The following MPRIP variants were observed in gnomAD, a reference collection of about 807,000 sequenced individuals.
MPRIP encodes myosin phosphatase Rho interacting protein.
In MPRIP, 59 loss-of-function variants were observed where a neutral mutation model predicts 234.9. The ratio of observed to expected loss-of-function variants is 0.25; its 90% confidence interval spans 0.20 to 0.31. The LOEUF (loss-of-function observed/expected upper bound fraction) is 0.31, where lower values mean the gene tolerates loss of function less well. MPRIP is among the 10% of genes least tolerant of loss of function. MPRIP has a pLI of 1.00. For synonymous variants in MPRIP, 1,144 were observed against 1,263.9 expected (o/e 0.91, Z 2.01); for missense variants, 2,436 against 3,071.0 (o/e 0.79, Z 4.89).
In MPRIP at chr17:17,139,702, A is replaced by G. The variant is rs139198194; in HGVS notation, c.1250+1273A>G. On this transcript the variant is annotated intron_variant, in intron 7 of 23. Coordinates refer to ENST00000651222, the MANE Select transcript of MPRIP (RefSeq NM_001364716.4). Reference sequence around the variant, plus strand: ...GGCTGACAGCCCACCCACTCTTCCAAACGTCCCAGATGAAAAGGCCTGTGA... The same window carrying G: ...GGCTGACAGCCCACCCACTCTTCCAGACGTCCCAGATGAAAAGGCCTGTGA... 3.0e-3 allele frequency among the ~76,000 whole-genome samples: 453 copies of G among 152,268 alleles called. 1 individual carries two copies. Among genetic ancestry groups the G allele is most frequent in the African/African-American group, 9.0e-3 (372 of 41,544 alleles).
At chr17:17,179,271 A>AC (rs1170686498) in intron 22 of MPRIP, among the ~76,000 whole-genome samples, 1 of 151,886 alleles carries the variant, frequency 6.6e-6, no homozygotes, top group African/African-American at 2.4e-5. Context: ...ACATTGTGAA[A>AC]CCCCGTCTCT....
intron 22 of MPRIP, 131 bp downstream of exon 22, chr17:17,177,543 G>T (rs2046282990): frequency 2.0e-6 from 2 of 987,014 alleles, no homozygotes; most frequent in South Asian, 3.4e-5. Flanking sequence ...CATCCCAGTG[G>T]AGCAGGAGCA....
intron 3 of MPRIP, among the ~76,000 whole-genome samples, chr17:17,112,576 C>T (rs2090194359): frequency 6.6e-6 from 1 of 152,152 alleles, no homozygotes; most frequent in African/African-American, 2.4e-5. Context: ...CTGCCGTCTG[C>T]TCCTGCAGGG....
At chr17:17,047,111 G>A (rs1415691170) in intron 1 of MPRIP, among the ~76,000 whole-genome samples, 5 of 152,314 alleles carry the variant, frequency 3.3e-5, no homozygotes, top group African/African-American at 1.2e-4. Flanking sequence ...AACCCAGGAG[G>A]CAGAGGTTGC....
At chr17:17,163,715 T>C (rs1290544235) in intron 15 of MPRIP, among the ~76,000 whole-genome samples, 1 of 152,198 alleles carries the variant, frequency 6.6e-6, no homozygotes, top group East Asian at 1.9e-4. Context: ...GACTGCGTAC[T>C]TTTTGTTTTG....
At position 17,073,926 on chromosome 17, in the gene MPRIP, A is replaced by C. The variant is rs118150387; in HGVS notation, c.124-1784A>C. On this transcript the variant is annotated intron_variant, in intron 1 of 23. Coordinates refer to ENST00000651222, the MANE Select transcript of MPRIP (RefSeq NM_001364716.4). ...CAAAGCAAGCCTCTCCTGTCCTTGC[A>C]GCTTTCCCCCGACCCCAGGCACACA... 1.2e-3 allele frequency among the ~76,000 whole-genome samples: 176 copies of C among 152,314 alleles called. 1 individual carries two copies. In the East Asian group the frequency reaches 0.027, roughly 23 times the overall value.
At chr17:17,127,135 C>G (rs772450568) in intron 4 of MPRIP, among the ~76,000 whole-genome samples, 1 of 152,340 alleles carries the variant, frequency 6.6e-6, no homozygotes, top group East Asian at 1.9e-4. Flanking sequence ...ACTCACCTGC[C>G]CCTCCACCTG....
At chr17:17,067,095 G>A (rs545688503) in intron 1 of MPRIP, among the ~76,000 whole-genome samples, 29 of 152,118 alleles carry the variant, frequency 1.9e-4, no homozygotes, top group African/African-American at 5.8e-4. Context: ...ACTTCATCAC[G>A]CACAAGGGCT....
At chr17:17,098,358 T>A (rs1289839455) in intron 3 of MPRIP, among the ~76,000 whole-genome samples, 1 of 151,792 alleles carries the variant, frequency 6.6e-6, no homozygotes, top group Non-Finnish European at 1.5e-5. Flanking sequence ...CCTGCCTAAT[T>A]CCCATGTCTC....
intron 18 of MPRIP, among the ~76,000 whole-genome samples, chr17:17,173,460 C>G (rs750377080): frequency 1.7e-4 from 26 of 152,318 alleles, no homozygotes; most frequent in South Asian, 4.2e-4. Context: ...ACCTGGAAGC[C>G]CCTCATCCCT....
Position 17,188,697 on chromosome 17 carries a change from C to T in MPRIP, c.*3803C>T, listed in dbSNP as rs1412673434. 6.6e-6 allele frequency: 1 copy of T among 152,240 alleles called. No individual in the cohort carries two copies. Among genetic ancestry groups the T allele is most frequent in the Non-Finnish European group, 1.5e-5 (1 of 68,042 alleles). 9.4% of individuals were successfully genotyped at this position (152,240 alleles called of 1,614,324 possible). A position where few individuals can be genotyped will look rare whatever the true frequency, so the allele number is the denominator to read the frequency against. On this transcript the variant is annotated 3_prime_UTR_variant, in exon 24 of 24. Transcript: ENST00000651222. Reference sequence around the variant, plus strand: ...CTCTTAACTTTTGGGTACATGGAAACATGCTGAAAACTGAACACAATCCTG... The same window carrying T: ...CTCTTAACTTTTGGGTACATGGAAATATGCTGAAAACTGAACACAATCCTG...
At chr17:17,059,434 C>T (rs1221501888) in intron 1 of MPRIP, among the ~76,000 whole-genome samples, 1 of 152,230 alleles carries the variant, frequency 6.6e-6, no homozygotes, top group Admixed American at 6.5e-5. Flanking sequence ...TAAGTTGGGC[C>T]ATGGGCTTGA....
intron 23 of MPRIP, among the ~76,000 whole-genome samples, chr17:17,184,485 G>T (rs540290015): frequency 6.6e-6 from 1 of 152,368 alleles, no homozygotes; most frequent in South Asian, 2.1e-4. Context: ...ACGGGGATGG[G>T]CAGTCTCCTT....
rs2046491119 is a variant in MPRIP, at chr17:17,187,111, G to C, written c.*2217G>C. 1.3e-5 allele frequency: 2 copies of C among 152,340 alleles called. No individual in the cohort carries two copies. The highest frequency in any genetic ancestry group is 1.3e-4 in the Admixed American group (2 of 15,290). 9.4% of individuals were successfully genotyped at this position (152,340 alleles called of 1,614,324 possible). A position where few individuals can be genotyped will look rare whatever the true frequency, so the allele number is the denominator to read the frequency against. ...TCTGCCCTCCAGGGGGTTCTGGCCA[G>C]AGTCCATGCTTGGAGACAGGATCAT... On this transcript the variant is annotated 3_prime_UTR_variant, in exon 24 of 24. Coordinates refer to ENST00000651222, the MANE Select transcript of MPRIP (RefSeq NM_001364716.4).
intron 3 of MPRIP, among the ~76,000 whole-genome samples, chr17:17,088,250 TG>T (rs2089636322): frequency 6.6e-6 from 1 of 152,220 alleles, no homozygotes; most frequent in African/African-American, 2.4e-5. Context: ...GCCAGGAAGA[TG>T]GGCTGTGATT....
chr17:17,084,845 C>T (rs533284644), intron 3 of MPRIP, among the ~76,000 whole-genome samples: 1 of 152,310 alleles, frequency 6.6e-6, no homozygotes, highest in African/African-American at 2.4e-5. Context: ...TTCTTTGCTA[C>T]ATGGGCATAT....
chr17:17,152,666 G>A (rs911684440), intron 12 of MPRIP, among the ~76,000 whole-genome samples: 17 of 152,238 alleles, frequency 1.1e-4, no homozygotes, highest in African/African-American at 4.1e-4. Flanking sequence ...GCTGGGTGGA[G>A]AGTCAGGTTG....
chr17:17,102,443 G>C (rs2089981597), intron 3 of MPRIP, among the ~76,000 whole-genome samples: 1 of 152,252 alleles, frequency 6.6e-6, no homozygotes, highest in South Asian at 2.1e-4. Flanking sequence ...GTGCGGAGCT[G>C]TCAGGCTTTC....
intron 1 of MPRIP, among the ~76,000 whole-genome samples, chr17:17,061,231 C>T (rs1423408397): frequency 1.3e-5 from 2 of 152,178 alleles, no homozygotes; most frequent in African/African-American, 4.8e-5. Context: ...TGTGTGCTCA[C>T]CCCTGACTTT....
Sources: allele counts gnomAD v4.1 joint callset (sites outside exome capture counted in the v4.1 genomes callset), GRCh38; gene constraint gnomAD v4.1.1; transcripts MANE v1.5; gene names NCBI Gene and HGNC (gene_info 2026-07-23, HGNC 2026-07-21).